Variants in POU2F1 observed in about 807,000 individuals in gnomAD.
The protein encoded by POU2F1 is POU class 2 homeobox 1, also known as POU domain, class 2, transcription factor 1.
Under a neutral mutation model 84.9 loss-of-function variants are expected in POU2F1, and 16 were observed. The ratio of observed to expected loss-of-function variants is 0.19; its 90% CI spans 0.13 to 0.29. POU2F1 has a LOEUF of 0.29. POU2F1 is among the 10% of genes least tolerant of loss of function. The probability of loss-of-function intolerance (pLI) is 1.00; values close to 1 mark genes in which losing one functional copy is unlikely to be tolerated. For synonymous variants in POU2F1, 368 were observed against 368.3 expected (o/e 1.00, Z 0.01); for missense variants, 738 against 942.6 (o/e 0.78, Z 2.84).
At chr1:167,269,509 G>A (rs1434854319) in intron 1 of POU2F1, among the ~76,000 whole-genome samples, 1 of 152,252 alleles carries the variant, frequency 6.6e-6, no homozygotes, top group East Asian at 1.9e-4. Flanking sequence ...TTGTGGTAGA[G>A]TTGAAGGATG....
chr1:167,337,764 T>C (rs1257356407), intron 2 of POU2F1, among the ~76,000 whole-genome samples: 1 of 151,724 alleles, frequency 6.6e-6, no homozygotes, highest in Non-Finnish European at 1.5e-5. Context: ...GAACAGGTTT[T>C]TAATGCAGAC....
chr1:167,379,244 A>G (rs1361268585), intron 7 of POU2F1: 2 of 152,192 alleles, frequency 1.3e-5, no homozygotes, highest in Admixed American at 6.5e-5. Flanking sequence ...CACTTAGAGG[A>G]GTCTAATGTG....
chr1:167,361,254 T>C (rs1659335378), intron 2 of POU2F1, among the ~76,000 whole-genome samples: 1 of 152,232 alleles, frequency 6.6e-6, no homozygotes, highest in Admixed American at 6.5e-5. Flanking sequence ...CCTTGCCTTG[T>C]TCTTAGGGGA....
At chr1:167,270,093 C>A (rs1652264204) in intron 1 of POU2F1, among the ~76,000 whole-genome samples, 1 of 152,010 alleles carries the variant, frequency 6.6e-6, no homozygotes, top group African/African-American at 2.4e-5. Flanking sequence ...GTGTTAAAAA[C>A]AACATTAAAG....
At chr1:167,315,625 T>G (rs755871260) in intron 1 of POU2F1, among the ~76,000 whole-genome samples, 4 of 147,048 alleles carry the variant, frequency 2.7e-5, no homozygotes, top group Non-Finnish European at 4.5e-5. Context: ...AAAATTGTTT[T>G]TTGTTTGTTT....
At chr1:167,411,416 TACC>T (rs1248909605) in intron 13 of POU2F1, among the ~76,000 whole-genome samples, 5 of 152,212 alleles carry the variant, frequency 3.3e-5, no homozygotes, top group African/African-American at 1.2e-4. Context: ...TTTTTTTTTT[TACC>T]ACAATGGACT....
intron 14 of POU2F1, 67 bp from the exon 15 acceptor site, chr1:167,412,959 T>C: frequency 7.6e-7 from 1 of 1,315,348 alleles, no homozygotes; most frequent in South Asian, 1.2e-5. Flanking sequence ...AAGTTCCTTT[T>C]GGTGTGTTGT....
rs1659704996 is a variant in POU2F1 at position 167,366,735 on chromosome 1, T to A, written c.228+1168T>A. Among the ~76,000 whole-genome samples, 3 of 152,208 alleles carry A rather than the reference T, an allele frequency of 2.0e-5. No homozygotes were observed. The South Asian group carries it at 6.2e-4, about 32-fold the overall frequency. ...ATGAATTAACATCTAAAATGAATTT[T>A]AAAATATATTTTAAATATATCCTAG... On this transcript the variant is annotated intron_variant, in intron 3 of 15. Transcript: ENST00000367866.
intron 1 of POU2F1, among the ~76,000 whole-genome samples, chr1:167,229,668 A>G (rs77241785): frequency 0.012 from 1,763 of 152,318 alleles, 32 homozygotes; most frequent in African/African-American, 0.04. Flanking sequence ...ACTCTGTAAT[A>G]GTTTTTCTTA....
chr1:167,368,480 G>A (rs1448583644), intron 3 of POU2F1, among the ~76,000 whole-genome samples: 1 of 151,996 alleles, frequency 6.6e-6, no homozygotes, highest in African/African-American at 2.4e-5. Flanking sequence ...TACTCTGTGA[G>A]GCAGTACTTT....
intron 1 of POU2F1, among the ~76,000 whole-genome samples, chr1:167,269,978 G>A (rs980036359): frequency 2.0e-5 from 3 of 150,284 alleles, no homozygotes; most frequent in East Asian, 1.9e-4. Context: ...TTTTTCTGAC[G>A]TTGAGCTAAT....
At chr1:167,397,187 A>G (rs1243277818) in intron 10 of POU2F1, among the ~76,000 whole-genome samples, 3 of 152,214 alleles carry the variant, frequency 2.0e-5, no homozygotes. Flanking sequence ...GACATGCCCA[A>G]GGTTATTAAA....
intron 2 of POU2F1, among the ~76,000 whole-genome samples, chr1:167,358,122 CTTT>C (rs763521021): frequency 2.1e-5 from 2 of 97,140 alleles, no homozygotes; most frequent in Admixed American, 1.1e-4. Flanking sequence ...TTTTTCTTTT[CTTT>C]TTTTTTTTTT....
rs537891457 is a variant in POU2F1, at chr1:167,264,305, A to G, written c.61+43347A>G. ...ACATATGAGAGCATGTAGGTAGGGC[A>G]AAGAGTGGAGAAGGGCATTCTAAGC... On this transcript the variant is annotated intron_variant, in intron 1 of 15. Coordinates refer to ENST00000367866, the MANE Select transcript of POU2F1 (RefSeq NM_002697.4). 4.6e-4 allele frequency among the ~76,000 whole-genome samples: 70 copies of G among 152,120 alleles called. 1 individual carries two copies. Among genetic ancestry groups the G allele is most frequent in the Admixed American group, 2.2e-3 (33 of 15,282 alleles).
chr1:167,400,432 A>G (rs1649129660), intron 12 of POU2F1, among the ~76,000 whole-genome samples: 1 of 152,192 alleles, frequency 6.6e-6, no homozygotes, highest in African/African-American at 2.4e-5. Flanking sequence ...ATCTCAGAAA[A>G]TCTTGTTACT....
chr1:167,289,437 G>A (rs1284978569), intron 1 of POU2F1, among the ~76,000 whole-genome samples: 2 of 152,164 alleles, frequency 1.3e-5, no homozygotes, highest in Admixed American at 1.3e-4. Flanking sequence ...ATAAAATCAG[G>A]TGATGTGATA....
intron 1 of POU2F1, among the ~76,000 whole-genome samples, chr1:167,329,543 A>T (rs1656940841): frequency 6.6e-6 from 1 of 152,152 alleles, no homozygotes; most frequent in South Asian, 2.1e-4. Flanking sequence ...AATACAGTTA[A>T]TTTAGAGTTC....
At chr1:167,383,825 A>G in intron 7 of POU2F1, 32 bp from the exon 8 acceptor site, 8 of 1,549,388 alleles carry the variant, frequency 5.2e-6, no homozygotes, top group Non-Finnish European at 6.2e-6. Flanking sequence ...GAAATCTTTA[A>G]TGTTTCTGGA....
chr1:167,393,540 T>C (rs1255323060), intron 9 of POU2F1, among the ~76,000 whole-genome samples: 1 of 152,124 alleles, frequency 6.6e-6, no homozygotes, highest in African/African-American at 2.4e-5. Context: ...CTCTCTTGGC[T>C]CTGGCTGGAG....
Sources: allele counts gnomAD v4.1 joint callset (sites outside exome capture counted in the v4.1 genomes callset), GRCh38; gene constraint gnomAD v4.1.1; transcripts MANE v1.5; gene names NCBI Gene and HGNC (gene_info 2026-07-23, HGNC 2026-07-21).